Variants in ISG20 observed in about 807,000 individuals in gnomAD.
The protein encoded by ISG20 is interferon stimulated exonuclease gene 20.
Under a neutral mutation model 11.1 loss-of-function variants are expected in ISG20, and 8 were observed. The ratio of observed to expected loss-of-function variants is 0.72; its 90% CI spans 0.42 to 1.30. ISG20 has a LOEUF of 1.30. ISG20 is among the 50% of genes most tolerant of loss of function. The probability of loss-of-function intolerance (pLI) is 0.01; values close to 1 mark genes in which losing one functional copy is unlikely to be tolerated. For synonymous variants in ISG20, 110 were observed against 101.7 expected (o/e 1.08, Z -0.49); for missense variants, 243 against 250.2 (o/e 0.97, Z 0.19).
Position 88,650,543 on chromosome 15 carries a change from A to G in ISG20, c.229-1567A>G, listed in dbSNP as rs527895260. The G allele has an allele frequency of 1.0e-4, 117 of 1,153,548 alleles. 1 individual carries two copies. In the East Asian group the frequency reaches 2.6e-3, roughly 25 times the overall value. 71.5% of individuals were successfully genotyped at this position (1,153,548 alleles called of 1,614,324 possible). A position where few individuals can be genotyped will look rare whatever the true frequency, so the allele number is the denominator to read the frequency against. On this transcript the variant is annotated intron_variant, in intron 2 of 3. Coordinates refer to ENST00000306072, the MANE Select transcript of ISG20 (RefSeq NM_002201.6). The surrounding 1 kb of genome is among the most constrained non-coding windows in gnomAD (Gnocchi z 4.0). ...AAATCACACCAAAACTTACCGGTTC[A>G]AACAATGTCAATACTTATTTCGCTC...
chr15:88,644,323 C>T (rs1052596346), intron 2 of ISG20, among the ~76,000 whole-genome samples: 2 of 151,848 alleles, frequency 1.3e-5, no homozygotes, highest in African/African-American at 4.8e-5. Flanking sequence ...CACCAGAGGT[C>T]GGGAGTTTGA....
chr15:88,638,982 T>C (rs908281268), upstream of ISG20: 1 of 258,682 alleles, frequency 3.9e-6, no homozygotes, highest in Admixed American at 5.0e-5. Context: ...GATGCCGGCT[T>C]GGAGTTAGAG....
At position 88,639,953 on chromosome 15, in the gene ISG20, C is replaced by T. The variant is rs916527376; in HGVS notation, c.228+359C>T. Among the ~76,000 whole-genome samples, 1 of 152,196 alleles carries T rather than the reference C, an allele frequency of 6.6e-6. No homozygotes were observed. The highest frequency in any genetic ancestry group is 2.4e-5 in the African/African-American group (1 of 41,452). On this transcript the variant is annotated intron_variant, in intron 2 of 3. Coordinates refer to ENST00000306072, the MANE Select transcript of ISG20 (RefSeq NM_002201.6). The surrounding 1 kb of genome is among the most constrained non-coding windows in gnomAD (Gnocchi z 4.2). ...AGACCTGTGGGGAAATGAGAGGATT[C>T]TTGGCTGAGGCTCTGGCAAGAGGCT...
rs1315021955 is a variant in ISG20, at chr15:88,652,318, C to T, written c.429+8C>T. On this transcript the variant is annotated splice_region_variant and intron_variant, in intron 3 of 3. Coordinates refer to ENST00000306072, the MANE Select transcript of ISG20 (RefSeq NM_002201.6). ...CTACACAAGAGCATCCAGGTGAGAA[C>T]CTCCTCGTCCTTCTCCTCCTCCCCC... is the stretch of plus-strand genomic sequence containing the variant. 2 of 1,604,138 alleles carry T rather than the reference C, an allele frequency of 1.2e-6. No individual in the cohort carries two copies. The highest frequency in any genetic ancestry group is 2.2e-5 in the South Asian group (2 of 90,702).
chr15:88,653,660 A>G (rs1596063574), intron 3 of ISG20, among the ~76,000 whole-genome samples: 1 of 151,872 alleles, frequency 6.6e-6, no homozygotes, highest in Non-Finnish European at 1.5e-5. Flanking sequence ...GAAGCTCAGT[A>G]CCCCACCAGG....
rs1596041480 is a variant in ISG20, at chr15:88,639,229, T to G, written c.-24-114T>G. 1.6e-6 allele frequency: 1 copy of G among 644,948 alleles called. No homozygotes were observed. Among genetic ancestry groups the G allele is most frequent in the Non-Finnish European group, 2.7e-6 (1 of 374,950 alleles). The allele number at this position is 644,948 out of a possible 1,614,324, so 40.0% of individuals were successfully genotyped here. A position where few individuals can be genotyped will look rare whatever the true frequency, so the allele number is the denominator to read the frequency against. Reference sequence around the variant, plus strand: ...GAGGCCAGCTTCCACTGTGGCCAGGTGGTGTCGGAAACAAAGGGCAGGGCG... The same window carrying G: ...GAGGCCAGCTTCCACTGTGGCCAGGGGGTGTCGGAAACAAAGGGCAGGGCG... On this transcript the variant is annotated intron_variant, in intron 1 of 3. Coordinates refer to ENST00000306072, the MANE Select transcript of ISG20 (RefSeq NM_002201.6). The surrounding 1 kb of genome is among the most constrained non-coding windows in gnomAD (Gnocchi z 4.2).
chr15:88,650,554 A>C lies in ISG20; in HGVS notation c.229-1556A>C. On this transcript the variant is annotated intron_variant, in intron 2 of 3. Coordinates refer to ENST00000306072, the MANE Select transcript of ISG20 (RefSeq NM_002201.6). The surrounding 1 kb of genome is among the most constrained non-coding windows in gnomAD (Gnocchi z 4.0). ...AAACTTACCGGTTCAAACAATGTCA[A>C]TACTTATTTCGCTCGGCCACCTGCA... The C allele has an allele frequency of 9.4e-7, 1 of 1,059,150 alleles. No homozygotes were observed. Among genetic ancestry groups the C allele is most frequent in the Non-Finnish European group, 1.3e-6 (1 of 786,420 alleles). The allele number at this position is 1,059,150 out of a possible 1,614,324, so 65.6% of individuals were successfully genotyped here.
intron 2 of ISG20, among the ~76,000 whole-genome samples, chr15:88,641,207 G>T (rs1048989514): frequency 6.6e-6 from 1 of 152,100 alleles, no homozygotes; most frequent in East Asian, 1.9e-4. Flanking sequence ...TGTTGGCCAG[G>T]CTGGTCTCGC....
In ISG20 at chr15:88,639,686, AC is replaced by A; in HGVS notation, c.228+96del. 1 of 966,482 alleles carries A rather than the reference AC, an allele frequency of 1.0e-6. No individual in the cohort carries two copies. Among genetic ancestry groups the A allele is most frequent in the Non-Finnish European group, 1.6e-6 (1 of 637,976 alleles). 59.9% of individuals were successfully genotyped at this position (966,482 alleles called of 1,614,324 possible). On this transcript the variant is annotated intron_variant, in intron 2 of 3. Coordinates refer to ENST00000306072, the MANE Select transcript of ISG20 (RefSeq NM_002201.6). The surrounding 1 kb of genome is among the most constrained non-coding windows in gnomAD (Gnocchi z 4.2). Reference sequence around the variant, plus strand: ...CCCTGGTGCCCATCTGTGACCTGTGACCCCACTTGTAAGATTTCCCACACTG... The same window carrying A: ...CCCTGGTGCCCATCTGTGACCTGTGACCCACTTGTAAGATTTCCCACACTG...
Position 88,655,410 on chromosome 15 carries a change from TGCAGAACAGC to T in ISG20, c.430-4_435del. On this transcript the variant is annotated splice_acceptor_variant and splice_polypyrimidine_tract_variant and coding_sequence_variant and intron_variant, in exon 4 of 4. Transcript: ENST00000306072. LOFTEE classifies it high-confidence loss of function. ...CAAGTCCCCACTCTATACTTGTGTC[TGCAGAACAGC>T]CTGCTTGGACACAGCTCGGTGGAAG... 1 of 1,613,632 alleles carries T rather than the reference TGCAGAACAGC, an allele frequency of 6.2e-7. No individual in the cohort carries two copies. The highest frequency in any genetic ancestry group is 8.5e-7 in the Non-Finnish European group (1 of 1,179,596).
At position 88,652,176 on chromosome 15, in the gene ISG20, A is replaced by G; in HGVS notation, c.295A>G (p.Lys99Glu). ...CCTGAAGCACGACTTCCAGGCACTG[A>G]AAGAGGACATGAGCGGCTACACAAT... Reference protein sequence around the residue: ...HDLKHDFQALKEDMSGYTIYD... With the variant: ...HDLKHDFQALEEDMSGYTIYD... Residue 99 changes from lysine to glutamate, a missense_variant, in exon 3 of 4, where the codon AAA becomes GAA. Transcript: ENST00000306072. 1 of 1,614,056 alleles carries G rather than the reference A, an allele frequency of 6.2e-7. No homozygotes were observed. The highest frequency in any genetic ancestry group is 8.5e-7 in the Non-Finnish European group (1 of 1,179,978).
In ISG20 at chr15:88,639,038, A is replaced by C; in HGVS notation, c.-63A>C. The C allele has an allele frequency of 2.3e-6, 1 of 436,628 alleles. No homozygotes were observed. Among genetic ancestry groups the C allele is most frequent in the Non-Finnish European group, 4.2e-6 (1 of 240,776 alleles). The allele number at this position is 436,628 out of a possible 1,614,324, so 27.0% of individuals were successfully genotyped here. A position where few individuals can be genotyped will look rare whatever the true frequency, so the allele number is the denominator to read the frequency against. ...GCTGCAGTAGCTGAGCAGTGGCAGC[A>C]GAGAGGCAGACGTGAGCTGAGGGCG... On this transcript the variant is annotated 5_prime_UTR_variant, in exon 1 of 4. Transcript: ENST00000306072. This position sits in a 1 kb window ranked among gnomAD's most constrained non-coding sequence, Gnocchi z 4.2.
intron 3 of ISG20, among the ~76,000 whole-genome samples, chr15:88,653,614 G>C (rs1326218154): frequency 2.0e-5 from 3 of 151,964 alleles, no homozygotes; most frequent in Non-Finnish European, 4.4e-5. Flanking sequence ...CTTCTCCCAG[G>C]CTCTGTCCCT....
upstream of ISG20, among the ~76,000 whole-genome samples, chr15:88,636,716 T>C (rs1442868632): frequency 6.6e-6 from 1 of 152,198 alleles, no homozygotes; most frequent in Non-Finnish European, 1.5e-5. Flanking sequence ...TTTTTAATTT[T>C]AGAGATGAGA....
chr15:88,641,968 C>G (rs2058089586), intron 2 of ISG20, among the ~76,000 whole-genome samples: 1 of 127,630 alleles, frequency 7.8e-6, no homozygotes. Flanking sequence ...CAGAGTCACT[C>G]TGTTGTCTAG....
chr15:88,650,199 T>G lies in ISG20; in HGVS notation c.229-1911T>G. ...GCCTGGACTAGCCACGAGCCGCCCC[T>G]TTCCCTAATAGAGCTCACATCTGTT... On this transcript the variant is annotated intron_variant, in intron 2 of 3. Transcript: ENST00000306072. The surrounding 1 kb of genome is among the most constrained non-coding windows in gnomAD (Gnocchi z 4.0). 1 of 1,523,754 alleles carries G rather than the reference T, an allele frequency of 6.6e-7. No individual in the cohort carries two copies. The highest frequency in any genetic ancestry group is 8.8e-7 in the Non-Finnish European group (1 of 1,136,130). The allele number at this position is 1,523,754 out of a possible 1,614,324, so 94.4% of individuals were successfully genotyped here.
chr15:88,641,924 C>CTTTTT (rs2058087650), intron 2 of ISG20, among the ~76,000 whole-genome samples: 1 of 116,642 alleles, frequency 8.6e-6, no homozygotes, highest in African/African-American at 3.3e-5. Flanking sequence ...GGTTAGCTTC[C>CTTTTT]TCTTTTTTTT....
Position 88,639,456 on chromosome 15 carries a change from C to T in ISG20, c.90C>T (p.Leu30=), listed in dbSNP as rs144037981. Residue 30 remains leucine (L), a synonymous_variant, in exon 2 of 4, where the codon CTC becomes CTT. Coordinates refer to ENST00000306072, the MANE Select transcript of ISG20 (RefSeq NM_002201.6). The surrounding 1 kb of genome is among the most constrained non-coding windows in gnomAD (Gnocchi z 4.2). ...AGAGTGGCCTGGCTCGTTGCAGCCT[C>T]GTGAACGTCCACGGTGCTGTGCTGT... is the stretch of plus-strand genomic sequence containing the variant. ...HRESGLARCS[L]VNVHGAVLYD... is the part of the protein sequence containing the mutation. The T allele has an allele frequency of 6.2e-6, 10 of 1,614,024 alleles. No homozygotes were observed. The highest frequency in any genetic ancestry group is 2.2e-5 in the East Asian group (1 of 44,892).
upstream of ISG20, chr15:88,636,286 G>C (rs1253562413): frequency 1.3e-5 from 2 of 152,286 alleles, no homozygotes; most frequent in African/African-American, 4.8e-5. Context: ...GGTGACGCCA[G>C]TTAAAGGTAG....
Sources: gnomAD v4.1 joint callset for allele counts (sites outside exome capture counted in the v4.1 genomes callset) on GRCh38, gnomAD v4.1.1 for gene constraint, Gnocchi (gnomAD v3.1) non-coding constraint, MANE v1.5 for transcripts, NCBI Gene and HGNC (gene_info 2026-07-23, HGNC 2026-07-21) for gene names.